Variants in SWT1 observed in about 807,000 individuals in gnomAD.
SWT1 encodes transcriptional protein SWT1.
A neutral mutation model predicts 107.3 loss-of-function variants in SWT1; 33 were observed. The observed-to-expected ratio is 0.31, with a 90% CI of 0.23 to 0.41. The LOEUF is 0.41. Among genes scored for constraint, SWT1 ranks in the 10% least tolerant of loss-of-function variants. The pLI, the probability that SWT1 is intolerant of heterozygous loss-of-function variation, is 1.00. For missense variants in SWT1, 898 were observed against 1,028.9 expected, an observed-to-expected ratio of 0.87 and a Z score of 1.74; for synonymous variants, 345 against 348.3, an observed-to-expected ratio of 0.99 and a Z score of 0.11.
rs758413870 is a variant in SWT1 at position 185,206,618 on chromosome 1, T to A, written c.1834-7T>A. 1 of 1,474,210 alleles carries A rather than the reference T, an allele frequency of 6.8e-7. No individual in the cohort carries two copies. Among genetic ancestry groups the A allele is most frequent in the Non-Finnish European group, 9.0e-7 (1 of 1,108,814 alleles). 91.3% of individuals were successfully genotyped at this position (1,474,210 alleles called of 1,614,324 possible). A position where few individuals can be genotyped will look rare whatever the true frequency, so the allele number is the denominator to read the frequency against. ...GAGATGTTAATTTTTTTCTACATAC[T>A]CTTTAGATCCTGTACCTGAAACCAC... On this transcript the variant is annotated splice_polypyrimidine_tract_variant and splice_region_variant and intron_variant, in intron 12 of 18. Transcript: ENST00000367500.
chr1:185,169,080 A>G (rs537873481), intron 4 of SWT1, among the ~76,000 whole-genome samples: 1 of 152,220 alleles, frequency 6.6e-6, no homozygotes, highest in South Asian at 2.1e-4. Flanking sequence ...CTTCCCAAAC[A>G]ATCTCAGTTA....
chr1:185,194,936 A>T (rs191136971), intron 10 of SWT1, among the ~76,000 whole-genome samples: 2 of 152,060 alleles, frequency 1.3e-5, no homozygotes, highest in African/African-American at 4.8e-5. Context: ...CATACTTTAT[A>T]TGCAGATTTT....
At chr1:185,216,207 A>G (rs1230977079) in intron 14 of SWT1, among the ~76,000 whole-genome samples, 3 of 152,170 alleles carry the variant, frequency 2.0e-5, no homozygotes, top group Non-Finnish European at 4.4e-5. Context: ...AAGGGGTGAT[A>G]TGATCTTTTG....
intron 15 of SWT1, among the ~76,000 whole-genome samples, chr1:185,226,468 G>A (rs1394388487): frequency 3.3e-5 from 5 of 152,088 alleles, no homozygotes; most frequent in Non-Finnish European, 7.3e-5. Flanking sequence ...GGGCATGGTG[G>A]GTCATGCCTG....
intron 18 of SWT1, among the ~76,000 whole-genome samples, chr1:185,288,846 C>T (rs1220659227): frequency 6.6e-6 from 1 of 152,086 alleles, no homozygotes; most frequent in Non-Finnish European, 1.5e-5. Flanking sequence ...TTTGGGATTC[C>T]ACAATTTGTA....
At chr1:185,269,074 G>C (rs7539121) in intron 16 of SWT1, among the ~76,000 whole-genome samples, 7,411 of 151,950 alleles carry the variant, frequency 0.049, 276 homozygotes, top group Middle Eastern at 0.082. Context: ...GGATGGTCTC[G>C]ATCTCCTGAC....
chr1:185,184,684 T>A (rs1457271913), intron 8 of SWT1, 59 bp from the exon 9 acceptor site: 2 of 1,369,902 alleles, frequency 1.5e-6, no homozygotes, highest in East Asian at 4.8e-5. Context: ...TGGACAGCAA[T>A]TCCATTTAGT....
At chr1:185,205,472 G>T (rs1658260007) in intron 12 of SWT1, among the ~76,000 whole-genome samples, 1 of 152,020 alleles carries the variant, frequency 6.6e-6, no homozygotes, top group Admixed American at 6.5e-5. Context: ...AGATTCAAGT[G>T]ATTCTCCTGC....
chr1:185,277,985 T>A (rs1034138477), intron 18 of SWT1, among the ~76,000 whole-genome samples: 2 of 152,314 alleles, frequency 1.3e-5, no homozygotes, highest in East Asian at 1.9e-4. Context: ...TCTTTTTTTT[T>A]AATCTTCTTT....
chr1:185,246,654 G>A (rs1661632651), intron 16 of SWT1, among the ~76,000 whole-genome samples: 2 of 146,870 alleles, frequency 1.4e-5, no homozygotes, highest in Admixed American at 1.4e-4. Context: ...TAATAGAGGG[G>A]GGTCTCACTT....
chr1:185,232,870 G>C (rs2102575206), intron 16 of SWT1, among the ~76,000 whole-genome samples: 1 of 152,174 alleles, frequency 6.6e-6, no homozygotes, highest in Non-Finnish European at 1.5e-5. Context: ...TTGATGCCTG[G>C]ATCCTCCACC....
intron 2 of SWT1, among the ~76,000 whole-genome samples, chr1:185,162,552 A>G (rs1242328459): frequency 6.6e-6 from 1 of 152,076 alleles, no homozygotes; most frequent in Non-Finnish European, 1.5e-5. Flanking sequence ...TCCCAATTTA[A>G]TAAATTGTGA....
At chr1:185,239,612 TC>T (rs1661124753) in intron 16 of SWT1, among the ~76,000 whole-genome samples, 1 of 152,100 alleles carries the variant, frequency 6.6e-6, no homozygotes, top group Admixed American at 6.6e-5. Flanking sequence ...TCTCTCCTCA[TC>T]TTTTCTTTTA....
chr1:185,253,166 T>G (rs1407984664), intron 16 of SWT1, among the ~76,000 whole-genome samples: 5 of 148,628 alleles, frequency 3.4e-5, no homozygotes, highest in Non-Finnish European at 6.0e-5. Flanking sequence ...ACCAGTACCA[T>G]GCTGTTTTGG....
At chr1:185,210,872 A>G (rs895451129) in intron 13 of SWT1, among the ~76,000 whole-genome samples, 9 of 152,214 alleles carry the variant, frequency 5.9e-5, no homozygotes, top group African/African-American at 1.9e-4. Flanking sequence ...TCAATGTGCA[A>G]AAATCACAAG....
At chr1:185,270,305 A>G (rs61824145) in intron 16 of SWT1, among the ~76,000 whole-genome samples, 1 of 132,482 alleles carries the variant, frequency 7.5e-6, no homozygotes, top group Non-Finnish European at 1.6e-5. Context: ...TTTTTTTTCC[A>G]AAAGAAAAAC....
intron 18 of SWT1, among the ~76,000 whole-genome samples, chr1:185,279,355 A>C (rs1213410343): frequency 1.3e-5 from 2 of 152,114 alleles, no homozygotes; most frequent in African/African-American, 4.8e-5. Flanking sequence ...CAGAGTTTTT[A>C]TTGGGGGAAG....
At chr1:185,171,660 G>A in intron 4 of SWT1, 1 of 525,026 alleles carries the variant, frequency 1.9e-6, no homozygotes, top group Non-Finnish European at 3.7e-6. Flanking sequence ...TTCAGAACCT[G>A]CTTCTTTTTT....
At chr1:185,241,119 C>G (rs1661229535) in intron 16 of SWT1, among the ~76,000 whole-genome samples, 1 of 152,120 alleles carries the variant, frequency 6.6e-6, no homozygotes. Flanking sequence ...AAAGATAACA[C>G]ACTTTAGGCT....
Sources: allele counts gnomAD v4.1 joint callset (sites outside exome capture counted in the v4.1 genomes callset), GRCh38; gene constraint gnomAD v4.1.1; transcripts MANE v1.5; gene names NCBI Gene and HGNC (gene_info 2026-07-23, HGNC 2026-07-21).